The following RALYL variants were observed in gnomAD, a reference collection of about 807,000 sequenced individuals.
The protein encoded by RALYL is RALY RNA binding protein like.
RALYL carries 29 observed loss-of-function variants against 35.1 expected under a neutral mutation model. The observed-to-expected ratio is 0.83, with a 90% CI of 0.61 to 1.13. RALYL has a LOEUF of 1.13. Ranked by LOEUF, RALYL falls within the 50% of genes most tolerant of loss-of-function variation. The pLI is 0.00. For missense variants in RALYL, 359 were observed against 360.4 expected (o/e 1.00, Z 0.03); for synonymous variants, 120 against 127.6 (o/e 0.94, Z 0.40).
rs1478339866 is a variant in RALYL, at chr8:84,426,428, C to CTG, written c.-23-102870_-23-102869insGT. Among the ~76,000 whole-genome samples the CTG allele has an allele frequency of 4.2e-5, 3 of 71,136 alleles. No homozygotes were observed. The East Asian group carries it at 1.4e-3, about 34-fold the overall frequency. 46.7% of individuals were successfully genotyped at this position (71,136 alleles called of 152,430 possible). A position where few individuals can be genotyped will look rare whatever the true frequency, so the allele number is the denominator to read the frequency against. Reference sequence around the variant, plus strand: ...CCTTGTAACTACTCTTTTGCGTTCTCTCTCTCTCTCTGTGTGTGTGTGTGT... The same window carrying CTG: ...CCTTGTAACTACTCTTTTGCGTTCTCTGTCTCTCTCTCTGTGTGTGTGTGTGT... On this transcript the variant is annotated intron_variant, in intron 1 of 8. Transcript: ENST00000521268.
In RALYL at chr8:84,453,193, T is replaced by G. The variant is rs2049711823; in HGVS notation, c.-23-76106T>G. ...AATAGCTCTTTGGAGTTTAAACAAATGCATATATATAAACATATACATATA... is the reference window on the plus strand; with the variant it reads ...AATAGCTCTTTGGAGTTTAAACAAAGGCATATATATAAACATATACATATA... On this transcript the variant is annotated intron_variant, in intron 1 of 8. Coordinates refer to ENST00000521268, the MANE Select transcript of RALYL (RefSeq NM_173848.7). Among the ~76,000 whole-genome samples the G allele has an allele frequency of 2.0e-5, 3 of 151,938 alleles. No individual in the cohort carries two copies. In the South Asian group the frequency reaches 6.2e-4, roughly 31 times the overall value.
At chr8:84,335,609 C>T (rs558355859) in intron 1 of RALYL, among the ~76,000 whole-genome samples, 1 of 151,794 alleles carries the variant, frequency 6.6e-6, no homozygotes, top group African/African-American at 2.4e-5. Context: ...GCAATCTTCT[C>T]CCCTCCACTC....
intron 1 of RALYL, among the ~76,000 whole-genome samples, chr8:84,216,989 A>T (rs887727356): frequency 6.6e-6 from 1 of 152,166 alleles, no homozygotes; most frequent in African/African-American, 2.4e-5. Context: ...ACTAGCTTAC[A>T]TCTATATGCT....
chr8:84,904,196 C>A (rs1051038519), intron 8 of RALYL, among the ~76,000 whole-genome samples: 1 of 152,038 alleles, frequency 6.6e-6, no homozygotes, highest in South Asian at 2.1e-4. Flanking sequence ...CATTGTTACG[C>A]CTCATTGTTA....
chr8:84,469,960 C>G (rs542541483), intron 1 of RALYL, among the ~76,000 whole-genome samples: 1 of 152,184 alleles, frequency 6.6e-6, no homozygotes, highest in South Asian at 2.1e-4. Context: ...TGACCCCTTG[C>G]GCTTCCCAAG....
At chr8:84,283,661 C>T (rs1248701812) in intron 1 of RALYL, among the ~76,000 whole-genome samples, 1 of 152,118 alleles carries the variant, frequency 6.6e-6, no homozygotes, top group Non-Finnish European at 1.5e-5. Context: ...ATGGTTCTGG[C>T]CACATTTAGT....
At chr8:84,336,705 A>T (rs886119580) in intron 1 of RALYL, among the ~76,000 whole-genome samples, 3 of 152,046 alleles carry the variant, frequency 2.0e-5, no homozygotes, top group African/African-American at 7.2e-5. Flanking sequence ...AACAAGCCTT[A>T]TTTCCTTTTC....
At chr8:84,601,329 C>G (rs561805453) in intron 2 of RALYL, among the ~76,000 whole-genome samples, 1 of 152,108 alleles carries the variant, frequency 6.6e-6, no homozygotes, top group East Asian at 1.9e-4. Flanking sequence ...ACCTGTGTTT[C>G]CCAAAAAGCT....
Position 84,300,945 on chromosome 8 carries a change from T to G in RALYL, c.-24+116521T>G, listed in dbSNP as rs146242221. ...TGTCATCCTGATGTTAGCTGGTTAT[T>G]ATTCAGACTTGATTGTGTAATTACT... On this transcript the variant is annotated intron_variant, in intron 1 of 8. Transcript: ENST00000521268. Among the ~76,000 whole-genome samples, 1,019 of 152,224 alleles carry G rather than the reference T, an allele frequency of 6.7e-3. 9 individuals are homozygous for G. The highest frequency in any genetic ancestry group is 0.017 in the Middle Eastern group (5 of 294).
intron 1 of RALYL, among the ~76,000 whole-genome samples, chr8:84,395,114 T>A (rs1436896553): frequency 6.6e-6 from 1 of 151,842 alleles, no homozygotes; most frequent in African/African-American, 2.4e-5. Context: ...TTAATGCATA[T>A]TTTAGACAAT....
rs35284071 is a variant in RALYL, at chr8:84,905,700, A to ATTTTT, written c.859-15184_859-15180dup. 5.9e-3 allele frequency among the ~76,000 whole-genome samples: 850 copies of ATTTTT among 143,000 alleles called. 15 individuals are homozygous for ATTTTT. The highest frequency in any genetic ancestry group is 9.8e-3 in the East Asian group (47 of 4,794). 93.8% of individuals were successfully genotyped at this position (143,000 alleles called of 152,430 possible). A position where few individuals can be genotyped will look rare whatever the true frequency, so the allele number is the denominator to read the frequency against. Reference sequence around the variant, plus strand: ...CTGGCACTACCATTATATGAATACTATTTTTTTTTTTTTTGAGACAGAGTC... The same window carrying ATTTTT: ...CTGGCACTACCATTATATGAATACTATTTTTTTTTTTTTTTTTTTGAGACAGAGTC... On this transcript the variant is annotated intron_variant, in intron 8 of 8. Transcript: ENST00000521268.
chr8:84,726,614 C>T (rs1845005099), intron 2 of RALYL, among the ~76,000 whole-genome samples: 1 of 151,604 alleles, frequency 6.6e-6, no homozygotes. Context: ...TATAAAATAG[C>T]AATATATATA....
intron 1 of RALYL, among the ~76,000 whole-genome samples, chr8:84,316,789 T>C (rs188656437): frequency 6.6e-6 from 1 of 152,274 alleles, no homozygotes; most frequent in Admixed American, 6.5e-5. Flanking sequence ...TAGACACATA[T>C]GGGAGGTTTT....
At chr8:84,772,642 T>C (rs553962184) in intron 2 of RALYL, among the ~76,000 whole-genome samples, 5 of 152,234 alleles carry the variant, frequency 3.3e-5, no homozygotes, top group African/African-American at 9.6e-5. Flanking sequence ...GATTGTTGTA[T>C]AGAGATATAC....
intron 4 of RALYL, among the ~76,000 whole-genome samples, chr8:84,828,282 C>T (rs1392953210): frequency 6.6e-6 from 1 of 152,048 alleles, no homozygotes; most frequent in Non-Finnish European, 1.5e-5. Context: ...CTCTTGACTA[C>T]CAAGAAATGA....
At chr8:84,244,766 A>T (rs1490524913) in intron 1 of RALYL, among the ~76,000 whole-genome samples, 1 of 152,190 alleles carries the variant, frequency 6.6e-6, no homozygotes, top group Non-Finnish European at 1.5e-5. Context: ...GGGAGAATGA[A>T]AGGTCAGGAG....
rs905319023 is a variant in RALYL, at chr8:84,226,511, A to C, written c.-24+42087A>C. On this transcript the variant is annotated intron_variant, in intron 1 of 8. Transcript: ENST00000521268. ...AACTTCCGCCTCCTGGATTCGAGTG[A>C]TTCTCCTGCCTCTGAGTGATTCTCC... 6.6e-5 allele frequency among the ~76,000 whole-genome samples: 10 copies of C among 152,072 alleles called. 2 individuals carry two copies. The South Asian group carries it at 2.1e-3, about 32-fold the overall frequency.
chr8:84,621,563 C>T lies in RALYL; in HGVS notation c.256+91986C>T, dbSNP rs182086375. 1.5e-4 allele frequency among the ~76,000 whole-genome samples: 22 copies of T among 151,514 alleles called. No homozygotes were observed. The South Asian group carries it at 2.5e-3, about 17-fold the overall frequency. The stretch of plus-strand genomic sequence containing the variant: ...TGCAGAAATCACCTGTCTTCGGCGT[C>T]GCTCACGCTGGGAGCTGTAGACCGG... On this transcript the variant is annotated intron_variant, in intron 2 of 8. Transcript: ENST00000521268.
At chr8:84,457,003 C>T (rs1327631755) in intron 1 of RALYL, among the ~76,000 whole-genome samples, 1 of 151,878 alleles carries the variant, frequency 6.6e-6, no homozygotes, top group Non-Finnish European at 1.5e-5. Context: ...AAGGACCAAT[C>T]TAAAATAAAG....
Sources: gnomAD v4.1 joint callset for allele counts (sites outside exome capture counted in the v4.1 genomes callset) on GRCh38, gnomAD v4.1.1 for gene constraint, MANE v1.5 for transcripts, NCBI Gene and HGNC (gene_info 2026-07-23, HGNC 2026-07-21) for gene names.